Variants in MTUS2 observed in about 807,000 individuals in gnomAD.
MTUS2 encodes the protein microtubule-associated tumor suppressor candidate 2.
A neutral mutation model predicts 114.1 loss-of-function variants in MTUS2; 40 were observed. The ratio of observed to expected loss-of-function variants is 0.35; its 90% CI spans 0.27 to 0.46. The LOEUF is 0.46. Ranked by LOEUF, MTUS2 falls within the 20% of genes least tolerant of loss-of-function variation. MTUS2 has a pLI of 1.00. For synonymous variants in MTUS2, 688 were observed against 672.0 expected (o/e 1.02, Z -0.37); for missense variants, 1,679 against 1,705.4 (o/e 0.98, Z 0.27).
rs1251394991 is a variant in MTUS2 at position 29,324,707 on chromosome 13, A to G, written c.2901A>G (p.Ser967=). Residue 967 remains serine (S), a synonymous_variant, in exon 7 of 16, where the codon TCA becomes TCG. Coordinates refer to ENST00000612955, the MANE Select transcript of MTUS2 (RefSeq NM_001033602.4). The part of the protein sequence containing the change: ...RVAASTTKLH[S]PGYPKQRTAA... ...CAGCTTCAACCACCAAGCTTCATTC[A>G]CCAGGTATGTAAGAAATATGATGTG... 6.3e-7 allele frequency: 1 copy of G among 1,593,212 alleles called. No homozygotes were observed.
At chr13:28,875,898 C>A (rs183018545) in intron 2 of MTUS2, among the ~76,000 whole-genome samples, 42 of 152,310 alleles carry the variant, frequency 2.8e-4, no homozygotes, top group Admixed American at 6.5e-4. Context: ...TCTATTAAAA[C>A]CCGTTTAAAA....
chr13:29,108,851 T>C (rs531881987), intron 5 of MTUS2, among the ~76,000 whole-genome samples: 61 of 152,318 alleles, frequency 4.0e-4, no homozygotes, highest in African/African-American at 1.4e-3. Context: ...TTCTTCCACA[T>C]TGGTTTTAGG....
intron 2 of MTUS2, among the ~76,000 whole-genome samples, chr13:29,017,616 G>A (rs1016967579): frequency 4.0e-5 from 6 of 151,898 alleles, no homozygotes; most frequent in African/African-American, 1.5e-4. Flanking sequence ...CTCTTACTTG[G>A]ATATTCTGAT....
At chr13:28,819,982 C>G (rs1873772994), upstream of MTUS2, among the ~76,000 whole-genome samples, 1 of 146,678 alleles carries the variant, frequency 6.8e-6, no homozygotes, top group Non-Finnish European at 1.5e-5. Context: ...TCCGGGCGGC[C>G]GGGAGGGGGT....
chr13:29,154,675 T>C (rs539132650), intron 5 of MTUS2, among the ~76,000 whole-genome samples: 2 of 152,244 alleles, frequency 1.3e-5, no homozygotes, highest in Non-Finnish European at 2.9e-5. Flanking sequence ...CCTGTCATCA[T>C]ACAATGTGCT....
At chr13:29,070,885 ACAAT>A (rs1481895019) in intron 4 of MTUS2, among the ~76,000 whole-genome samples, 1 of 151,440 alleles carries the variant, frequency 6.6e-6, no homozygotes, top group African/African-American at 2.4e-5. Context: ...TGCATTTTAG[ACAAT>A]CTTACTTGAC....
At chr13:29,309,454 A>G (rs1899646787) in intron 6 of MTUS2, among the ~76,000 whole-genome samples, 1 of 152,152 alleles carries the variant, frequency 6.6e-6, no homozygotes. Flanking sequence ...GAGGGAAAGC[A>G]TCAGGAAGAA....
At chr13:29,145,195 A>C (rs1423683314) in intron 5 of MTUS2, among the ~76,000 whole-genome samples, 1 of 152,198 alleles carries the variant, frequency 6.6e-6, no homozygotes. Context: ...GACACAATTT[A>C]CATATGTCTT....
intron 2 of MTUS2, among the ~76,000 whole-genome samples, chr13:29,024,172 TCTC>T (rs757367295): frequency 2.5e-4 from 38 of 152,236 alleles, no homozygotes; most frequent in Admixed American, 6.5e-5. Context: ...AGCCCTTACT[TCTC>T]CTCCATCCTT....
chr13:29,218,640 A>G (rs1364477582), intron 5 of MTUS2, among the ~76,000 whole-genome samples: 1 of 152,216 alleles, frequency 6.6e-6, no homozygotes, highest in African/African-American at 2.4e-5. Flanking sequence ...CAGAATGGAT[A>G]TTGTGTTAGC....
At chr13:29,293,725 G>T (rs1300774671) in intron 6 of MTUS2, among the ~76,000 whole-genome samples, 1 of 152,028 alleles carries the variant, frequency 6.6e-6, no homozygotes, top group Non-Finnish European at 1.5e-5. Flanking sequence ...TTATGATATA[G>T]CCATTTAATA....
At chr13:28,838,967 T>C (rs140001598) in intron 1 of MTUS2, among the ~76,000 whole-genome samples, 1 of 151,854 alleles carries the variant, frequency 6.6e-6, no homozygotes, top group East Asian at 1.9e-4. Context: ...TTAGAAAATG[T>C]AATTGTTTCA....
At chr13:29,053,145 A>G (rs1593425655) in intron 4 of MTUS2, among the ~76,000 whole-genome samples, 1 of 152,214 alleles carries the variant, frequency 6.6e-6, no homozygotes, top group African/African-American at 2.4e-5. Context: ...AATGATACTA[A>G]TGTATCATTA....
intron 4 of MTUS2, among the ~76,000 whole-genome samples, chr13:29,055,282 A>G (rs182572893): frequency 5.9e-5 from 9 of 152,238 alleles, no homozygotes; most frequent in Admixed American, 4.6e-4. Context: ...ATTATGAAAT[A>G]TGCATCTTTA....
intron 7 of MTUS2, among the ~76,000 whole-genome samples, chr13:29,350,326 C>T (rs1369856552): frequency 1.3e-5 from 2 of 150,264 alleles, no homozygotes; most frequent in African/African-American, 2.5e-5. Flanking sequence ...GAGTCTATCT[C>T]GTGTGCTTGT....
chr13:28,965,170 T>G (rs984889346), intron 2 of MTUS2, among the ~76,000 whole-genome samples: 3 of 152,206 alleles, frequency 2.0e-5, no homozygotes, highest in Non-Finnish European at 1.5e-5. Context: ...GGCACATTTC[T>G]TTATAATTTA....
At chr13:29,160,756 C>T (rs527385329) in intron 5 of MTUS2, among the ~76,000 whole-genome samples, 87 of 145,990 alleles carry the variant, frequency 6.0e-4, no homozygotes, top group Non-Finnish European at 1.1e-3. Flanking sequence ...GGTGACAGAG[C>T]GAGACTCCGT....
chr13:29,324,541 C>T, intron 6 of MTUS2, 72 bp from the exon 7 acceptor site: 1 of 1,182,156 alleles, frequency 8.5e-7, no homozygotes, highest in Non-Finnish European at 1.2e-6. Flanking sequence ...CCACCCTTTC[C>T]ACAACTTATG....
intron 14 of MTUS2, among the ~76,000 whole-genome samples, chr13:29,499,798 CCT>C (rs1243799919): frequency 3.9e-5 from 6 of 152,346 alleles, no homozygotes; most frequent in East Asian, 1.9e-4. Flanking sequence ...GGCCATGTCA[CCT>C]CTCTCTCTGG....
Sources: allele counts gnomAD v4.1 joint callset (sites outside exome capture counted in the v4.1 genomes callset), GRCh38; gene constraint gnomAD v4.1.1; transcripts MANE v1.5; gene names NCBI Gene and HGNC (gene_info 2026-07-23, HGNC 2026-07-21).